COL23A1: variants seen among roughly 807,000 people sequenced by gnomAD.
COL23A1 encodes collagen type XXIII alpha 1 chain.
In COL23A1, 97 loss-of-function variants were observed where a neutral mutation model predicts 99.3. The observed-to-expected ratio is 0.98, with a 90% CI of 0.83 to 1.16. COL23A1 has a LOEUF of 1.16. Ranked by LOEUF, COL23A1 falls within the 50% of genes most tolerant of loss-of-function variation. COL23A1 has a pLI of 0.00. For missense variants in COL23A1, 762 were observed against 757.4 expected (o/e 1.01, Z -0.07); for synonymous variants, 320 against 308.2 (o/e 1.04, Z -0.40).
At chr5:178,252,071 G>A (rs1765067375) in intron 17 of COL23A1, among the ~76,000 whole-genome samples, 4 of 151,712 alleles carry the variant, frequency 2.6e-5, no homozygotes, top group African/African-American at 7.3e-5. Context: ...GTGCCACCAC[G>A]CCCGGCTAAT....
intron 2 of COL23A1, among the ~76,000 whole-genome samples, chr5:178,514,726 T>C (rs182007972): frequency 6.6e-6 from 1 of 152,030 alleles, no homozygotes; most frequent in Admixed American, 6.5e-5. Context: ...CACAGAAAAA[T>C]CTAAATTTGT....
At chr5:178,424,522 C>T (rs1765801457) in intron 2 of COL23A1, among the ~76,000 whole-genome samples, 1 of 152,214 alleles carries the variant, frequency 6.6e-6, no homozygotes, top group African/African-American at 2.4e-5. Flanking sequence ...ACTTCATGCT[C>T]TTCTCTGGAG....
chr5:178,277,523 C>T (rs754001673), intron 5 of COL23A1, among the ~76,000 whole-genome samples: 3 of 152,246 alleles, frequency 2.0e-5, no homozygotes, highest in African/African-American at 7.2e-5. Context: ...TGTGGTCTCA[C>T]GCCTAGCCTG....
intron 2 of COL23A1, among the ~76,000 whole-genome samples, chr5:178,553,674 C>T (rs922574952): frequency 2.0e-5 from 3 of 152,230 alleles, no homozygotes; most frequent in Non-Finnish European, 2.9e-5. Context: ...CAGCTCTGCT[C>T]GAGGCCTTCT....
intron 8 of COL23A1, chr5:178,265,613 A>G (rs1314759360): frequency 2.1e-6 from 2 of 940,916 alleles, no homozygotes; most frequent in African/African-American, 3.6e-5. Flanking sequence ...TGGGGGTAAC[A>G]CAGCAAGCCA....
intron 2 of COL23A1, among the ~76,000 whole-genome samples, chr5:178,518,025 T>TA (rs1162520307): frequency 7.7e-6 from 1 of 129,934 alleles, no homozygotes; most frequent in African/African-American, 3.4e-5. Context: ...CTGGTTTTCC[T>TA]AGGCAGAGGA....
intron 5 of COL23A1, 95 bp downstream of exon 5, chr5:178,288,229 A>G: frequency 9.4e-7 from 1 of 1,065,486 alleles, no homozygotes. Context: ...AGCAGAAGAG[A>G]CAGGAGCGCA....
chr5:178,345,003 C>A (rs1760881890), intron 2 of COL23A1: 3 of 575,338 alleles, frequency 5.2e-6, no homozygotes, highest in Non-Finnish European at 3.4e-6. Context: ...GTGTGTCCAC[C>A]CTCATGAAGC....
intron 2 of COL23A1, among the ~76,000 whole-genome samples, chr5:178,444,825 A>C (rs1254258000): frequency 1.3e-5 from 2 of 152,156 alleles, no homozygotes; most frequent in African/African-American, 4.8e-5. Flanking sequence ...AAATAAAAAA[A>C]CCCACACTAC....
At chr5:178,413,296 CTG>C (rs1349018775) in intron 2 of COL23A1, among the ~76,000 whole-genome samples, 1 of 152,168 alleles carries the variant, frequency 6.6e-6, no homozygotes, top group Non-Finnish European at 1.5e-5. Flanking sequence ...GGTCACATGA[CTG>C]TTTATGGTAG....
intron 3 of COL23A1, among the ~76,000 whole-genome samples, chr5:178,300,313 G>A (rs1446868051): frequency 7.9e-5 from 12 of 151,556 alleles, no homozygotes; most frequent in Admixed American, 5.9e-4. Flanking sequence ...TGATCCACCC[G>A]CCTCAGCCTC....
At chr5:178,447,238 T>C (rs1250816929) in intron 2 of COL23A1, among the ~76,000 whole-genome samples, 1 of 151,938 alleles carries the variant, frequency 6.6e-6, no homozygotes, top group African/African-American at 2.4e-5. Context: ...GGATTACAGG[T>C]GTGCACCACC....
intron 2 of COL23A1, among the ~76,000 whole-genome samples, chr5:178,406,211 A>T (rs1366999340): frequency 6.6e-6 from 1 of 152,212 alleles, no homozygotes; most frequent in African/African-American, 2.4e-5. Flanking sequence ...TAAAAGAACA[A>T]GATAAAAAAA....
chr5:178,479,319 C>T (rs997895274), intron 2 of COL23A1, among the ~76,000 whole-genome samples: 1 of 152,186 alleles, frequency 6.6e-6, no homozygotes, highest in Non-Finnish European at 1.5e-5. Flanking sequence ...TGAACAGAGG[C>T]TCTCACTCCC....
At chr5:178,579,217 TTCAG>T (rs1763539155) in intron 1 of COL23A1, among the ~76,000 whole-genome samples, 1 of 152,280 alleles carries the variant, frequency 6.6e-6, no homozygotes, top group Admixed American at 6.5e-5. Context: ...TCCTTCCAAA[TTCAG>T]TCAAAGAAAA....
rs1765789427 is a variant in COL23A1, at chr5:178,264,209, T to A, written c.523-885A>T. On this transcript the variant is annotated intron_variant, in intron 8 of 28. Coordinates refer to ENST00000390654, the MANE Select transcript of COL23A1 (RefSeq NM_173465.4). ...ATAAGGTTGGTGGATTGTATCATTG[T>A]CAATTTCCTGTTGTGAGACTGTACT... is the stretch of plus-strand genomic sequence containing the variant. Among the ~76,000 whole-genome samples the A allele has an allele frequency of 2.0e-5, 3 of 152,064 alleles. No individual in the cohort carries two copies. The South Asian group carries it at 6.2e-4, about 32-fold the overall frequency.
At chr5:178,346,987 C>T (rs1429747797) in intron 2 of COL23A1, among the ~76,000 whole-genome samples, 1 of 152,120 alleles carries the variant, frequency 6.6e-6, no homozygotes, top group Non-Finnish European at 1.5e-5. Flanking sequence ...TGGTGGGTCT[C>T]CTTACGGCCT....
Position 178,257,568 on chromosome 5 carries a change from C to A in COL23A1, c.730-1G>T. On this transcript the variant is annotated splice_acceptor_variant, in intron 12 of 28. Transcript: ENST00000390654. LOFTEE classifies it high-confidence loss of function. ...GCTGGCTTGGTGTCCCATCGTCGCC[C>A]TGAGGAGAGGACACCTGGGGCTTGC... 1 of 1,557,536 alleles carries A rather than the reference C, an allele frequency of 6.4e-7. No homozygotes were observed. The highest frequency in any genetic ancestry group is 1.4e-5 in the African/African-American group (1 of 73,614).
intron 2 of COL23A1, among the ~76,000 whole-genome samples, chr5:178,330,297 C>T (rs1399963815): frequency 1.3e-5 from 2 of 152,198 alleles, no homozygotes; most frequent in African/African-American, 4.8e-5. Flanking sequence ...TCACAGCAAC[C>T]CTGTGTGGTG....
Sources: gnomAD v4.1 joint callset for allele counts (sites outside exome capture counted in the v4.1 genomes callset) on GRCh38, gnomAD v4.1.1 for gene constraint, MANE v1.5 for transcripts, NCBI Gene and HGNC (gene_info 2026-07-23, HGNC 2026-07-21) for gene names.